Variants in MCF2L observed in about 807,000 individuals in gnomAD.
The protein encoded by MCF2L is guanine nucleotide exchange factor DBS.
Under a neutral mutation model 153.4 loss-of-function variants are expected in MCF2L, and 97 were observed. The ratio of observed to expected loss-of-function variants is 0.63; its 90% CI spans 0.54 to 0.75. The LOEUF (loss-of-function observed/expected upper bound fraction) is 0.75, where lower values mean the gene tolerates loss of function less well. Among genes scored for constraint, MCF2L ranks in the 30% least tolerant of loss-of-function variants. The probability of loss-of-function intolerance (pLI) is 0.00; values close to 1 mark genes in which losing one functional copy is unlikely to be tolerated. For missense variants in MCF2L, 1,347 were observed against 1,495.2 expected, an observed-to-expected ratio of 0.90 and a Z score of 1.64; for synonymous variants, 659 against 632.2, an observed-to-expected ratio of 1.04 and a Z score of -0.64.
At chr13:113,026,860 T>A in intron 3 of MCF2L, 1 of 724,270 alleles carries the variant, frequency 1.4e-6, no homozygotes, top group Non-Finnish European at 2.6e-6. Flanking sequence ...CAGTTCTGTG[T>A]CTCCCCAGCG....
In MCF2L at chr13:113,031,632, T is replaced by C. The variant is rs1162500261; in HGVS notation, c.278+6874T>C. On this transcript the variant is annotated intron_variant, in intron 3 of 29. Coordinates refer to ENST00000535094, the MANE Select transcript of MCF2L (RefSeq NM_001112732.3). The surrounding 1 kb of genome is among the most constrained non-coding windows in gnomAD (Gnocchi z 5.5). ...GAGATGGGGAGGAGGGCGGCGGCCC[T>C]CAGAGAAGGGACGAGGTGGGAAGCC... Among the ~76,000 whole-genome samples the C allele has an allele frequency of 6.6e-6, 1 of 151,872 alleles. No homozygotes were observed. The highest frequency in any genetic ancestry group is 1.5e-5 in the Non-Finnish European group (1 of 67,942).
In MCF2L at chr13:112,904,480, C is replaced by G. The variant is rs2081151891; in HGVS notation, c.169+2109C>G. Among the ~76,000 whole-genome samples the G allele has an allele frequency of 6.6e-6, 1 of 152,164 alleles. No homozygotes were observed. Among genetic ancestry groups the G allele is most frequent in the Non-Finnish European group, 1.5e-5 (1 of 68,026 alleles). Reference sequence around the variant, plus strand: ...TGCTGTGAGGAGCCCAGACATGTGGCTGGTCAGAGCACCCACTTAGCAAGC... The same window carrying G: ...TGCTGTGAGGAGCCCAGACATGTGGGTGGTCAGAGCACCCACTTAGCAAGC... On this transcript the variant is annotated intron_variant, in intron 2 of 29. Coordinates refer to the MCF2L transcript ENST00000375608. The surrounding 1 kb of genome is among the most constrained non-coding windows in gnomAD (Gnocchi z 4.2).
In MCF2L at chr13:113,070,014, G is replaced by T; in HGVS notation, c.882-45G>T. The T allele has an allele frequency of 1.4e-6, 2 of 1,418,052 alleles. No homozygotes were observed. Among genetic ancestry groups the T allele is most frequent in the Non-Finnish European group, 9.8e-7 (1 of 1,016,668 alleles). The allele number at this position is 1,418,052 out of a possible 1,614,324, so 87.8% of individuals were successfully genotyped here. ...CACCCACCGCGCTCCACGTTGCATG[G>T]GGCGCCGTGGGCCACACAGACGGTC... On this transcript the variant is annotated intron_variant, in intron 8 of 29. Transcript: ENST00000535094. This position sits in a 1 kb window ranked among gnomAD's most constrained non-coding sequence, Gnocchi z 5.6.
intron 1 of MCF2L, among the ~76,000 whole-genome samples, chr13:113,005,611 G>A (rs1427954939): frequency 6.6e-6 from 1 of 152,042 alleles, no homozygotes; most frequent in African/African-American, 2.4e-5. Context: ...GTTGGTTCTG[G>A]GTGGCTGTGG....
intron 1 of MCF2L, among the ~76,000 whole-genome samples, chr13:112,998,319 G>A (rs765898714): frequency 5.9e-5 from 9 of 152,192 alleles, no homozygotes; most frequent in Non-Finnish European, 1.3e-4. Flanking sequence ...GAAACCCAGG[G>A]CCCTGGCATG....
At chr13:112,988,851 A>ACACCGG (rs2082767676) in intron 1 of MCF2L, among the ~76,000 whole-genome samples, 11 of 20,292 alleles carry the variant, frequency 5.4e-4, no homozygotes, top group Admixed American at 9.5e-4. Flanking sequence ...TACCACGCCC[A>ACACCGG]AGTCCTCCCT....
chr13:112,968,528 G>T, upstream of MCF2L: 1 of 1,566,580 alleles, frequency 6.4e-7, no homozygotes, highest in South Asian at 1.2e-5. Flanking sequence ...CTGCGTCCTT[G>T]GGCAGGCGAT....
At chr13:112,968,639 A>G (rs1594402008), upstream of MCF2L, 1 of 1,526,690 alleles carries the variant, frequency 6.6e-7, no homozygotes, top group Non-Finnish European at 8.8e-7. Flanking sequence ...CGCGGGTGGC[A>G]TGCGGCCACA....
chr13:112,962,209 T>TGCACAAACATGCTCACACACG (rs1566663252), intron 2 of MCF2L, among the ~76,000 whole-genome samples: 1 of 150,886 alleles, frequency 6.6e-6, no homozygotes, highest in African/African-American at 2.4e-5. Flanking sequence ...GCTCACACAC[T>TGCACAAACATGCTCACACACG]TGCACACAGT....
intron 1 of MCF2L, among the ~76,000 whole-genome samples, chr13:113,011,912 T>C (rs1305878244): frequency 2.0e-5 from 2 of 97,864 alleles, no homozygotes; most frequent in Non-Finnish European, 4.2e-5. Flanking sequence ...GTGGACACTG[T>C]GATGCGGACG....
Position 113,087,239 on chromosome 13 carries a change from A to G in MCF2L, c.2378A>G (p.Asn793Ser). ...GCCCTGCTGTCGCACATTTAGGGGA[A>G]TCTCGGCGACCTGGGCAAGCTGCTG... is the stretch of plus-strand genomic sequence containing the variant. ...HLIAITGYDG[N>S]LGDLGKLLMQ... The change falls in exon 22 of 30, where the codon AAT becomes AGT. Residue 793 changes from asparagine to serine, a missense_variant. This residue lies in a region of MCF2L where 144 missense variants were observed against 238.7 expected (regional missense o/e 0.60). Transcript: ENST00000535094. 6.2e-7 allele frequency: 1 copy of G among 1,610,996 alleles called. No individual in the cohort carries two copies. Among genetic ancestry groups the G allele is most frequent in the Non-Finnish European group, 8.5e-7 (1 of 1,179,494 alleles).
chr13:112,898,743 C>T (rs2081092060), intron 1 of MCF2L, among the ~76,000 whole-genome samples: 1 of 152,204 alleles, frequency 6.6e-6, no homozygotes, highest in South Asian at 2.1e-4. Context: ...TCCCCAGCTG[C>T]CATCATCTCC....
At chr13:113,020,982 T>G (rs2084846314) in intron 2 of MCF2L, among the ~76,000 whole-genome samples, 1 of 150,434 alleles carries the variant, frequency 6.6e-6, no homozygotes. Context: ...CTTGTAGATG[T>G]GTATGTGTGT....
At chr13:113,090,360 A>G (rs2035086047) in intron 26 of MCF2L, 1 of 985,452 alleles carries the variant, frequency 1.0e-6, no homozygotes, top group Non-Finnish European at 1.2e-6. Flanking sequence ...GGGAAAATGA[A>G]GGCGAGCTTT....
intron 3 of MCF2L, among the ~76,000 whole-genome samples, chr13:113,029,248 C>T (rs950842183): frequency 5.3e-5 from 8 of 152,186 alleles, no homozygotes; most frequent in Admixed American, 2.0e-4. Flanking sequence ...GCAGCAGCCG[C>T]GGCAGCTCCC....
chr13:112,995,069 C>T (rs367694790), intron 1 of MCF2L, among the ~76,000 whole-genome samples: 2 of 152,244 alleles, frequency 1.3e-5, no homozygotes, highest in South Asian at 2.1e-4. Context: ...ATCCTCTGAC[C>T]TGCGTGGCAC....
At chr13:113,017,480 C>G (rs371144322) in intron 2 of MCF2L, among the ~76,000 whole-genome samples, 3 of 152,244 alleles carry the variant, frequency 2.0e-5, no homozygotes, top group East Asian at 3.9e-4. Context: ...ATTATGGTCT[C>G]ACCCTGAAAA....
chr13:112,965,937 A>C (rs899300863), upstream of MCF2L: 1 of 152,166 alleles, frequency 6.6e-6, no homozygotes, highest in Non-Finnish European at 1.5e-5. Flanking sequence ...TGTGGATGCC[A>C]TTCCCCTCAC....
At chr13:113,084,214 G>T (rs941223221) in intron 18 of MCF2L, 147 bp downstream of exon 18, 1 of 720,422 alleles carries the variant, frequency 1.4e-6, no homozygotes, top group South Asian at 1.7e-5. Context: ...TGATGCTCCT[G>T]TACCCCTAGA....
Sources: allele counts gnomAD v4.1 joint callset (sites outside exome capture counted in the v4.1 genomes callset), GRCh38; gene constraint gnomAD v4.1.1; regional missense constraint gnomAD v4.1.1; non-coding constraint Gnocchi (gnomAD v3.1); transcripts MANE v1.5; gene names NCBI Gene and HGNC (gene_info 2026-07-23, HGNC 2026-07-21).